Variants in HDAC1 observed in about 807,000 individuals in gnomAD.
HDAC1 encodes protein deacetylase HDAC1.
In HDAC1, 18 loss-of-function variants were observed where a neutral mutation model predicts 65.5. The observed-to-expected ratio is 0.27, with a 90% CI of 0.19 to 0.41. HDAC1 has a LOEUF of 0.41. Among genes scored for constraint, HDAC1 ranks in the 10% least tolerant of loss-of-function variants. The pLI is 1.00. For synonymous variants in HDAC1, 211 were observed against 227.9 expected (o/e 0.93, Z 0.67); for missense variants, 373 against 625.2 (o/e 0.60, Z 4.30).
At position 32,331,389 on chromosome 1, in the gene HDAC1, T is replaced by C; in HGVS notation, c.980-85T>C. 1.3e-6 allele frequency: 1 copy of C among 782,644 alleles called. No individual in the cohort carries two copies. Among genetic ancestry groups the C allele is most frequent in the Non-Finnish European group, 2.3e-6 (1 of 444,228 alleles). 48.5% of individuals were successfully genotyped at this position (782,644 alleles called of 1,614,324 possible). A position where few individuals can be genotyped will look rare whatever the true frequency, so the allele number is the denominator to read the frequency against. Reference sequence around the variant, plus strand: ...TTGGATAAATAGGCCCAGAGAAACCTACAAATGCTTTAGGGTGCTTACGTG... The same window carrying C: ...TTGGATAAATAGGCCCAGAGAAACCCACAAATGCTTTAGGGTGCTTACGTG... On this transcript the variant is annotated intron_variant, in intron 9 of 13. Coordinates refer to ENST00000373548, the MANE Select transcript of HDAC1 (RefSeq NM_004964.3). The surrounding 1 kb of genome is among the most constrained non-coding windows in gnomAD (Gnocchi z 4.2).
At chr1:32,302,536 TG>T in intron 1 of HDAC1, 84 bp from the exon 2 acceptor site, 1 of 694,408 alleles carries the variant, frequency 1.4e-6, no homozygotes, top group Non-Finnish European at 2.7e-6. Flanking sequence ...AGAATTTGAC[TG>T]GGAGTTCGCT....
chr1:32,307,603 C>A (rs773940564), intron 2 of HDAC1, among the ~76,000 whole-genome samples: 2 of 152,280 alleles, frequency 1.3e-5, no homozygotes, highest in Non-Finnish European at 2.9e-5. Flanking sequence ...AATTTCATAA[C>A]AAATGGTTCA....
intron 6 of HDAC1, 148 bp from the exon 7 acceptor site, chr1:32,328,916 TGGTA>T: frequency 1.6e-6 from 1 of 641,304 alleles, no homozygotes. Context: ...GTGAAGAGAA[TGGTA>T]CTAACAAGGT....
Position 32,324,234 on chromosome 1 carries a change from T to C in HDAC1, c.281-245T>C, listed in dbSNP as rs1243547064. Among the ~76,000 whole-genome samples, 3 of 152,074 alleles carry C rather than the reference T, an allele frequency of 2.0e-5. No individual in the cohort carries two copies. The East Asian group carries it at 5.8e-4, about 29-fold the overall frequency. ...GGTCAAAGCTGCTGCACATGAGCCA[T>C]GTTTGTGCCACTGCACTCCAGCATG... On this transcript the variant is annotated intron_variant, in intron 3 of 13. Coordinates refer to ENST00000373548, the MANE Select transcript of HDAC1 (RefSeq NM_004964.3).
At chr1:32,320,899 CAAAAAAAAA>C (rs1160071616) in intron 3 of HDAC1, among the ~76,000 whole-genome samples, 2 of 23,372 alleles carry the variant, frequency 8.6e-5, no homozygotes, top group Non-Finnish European at 1.2e-4. Context: ...GACTCCATCT[CAAAAAAAAA>C]AAAAAAAAAA....
intron 2 of HDAC1, among the ~76,000 whole-genome samples, chr1:32,304,885 A>AT (rs907476780): frequency 6.6e-6 from 1 of 151,972 alleles, no homozygotes; most frequent in Non-Finnish European, 1.5e-5. Flanking sequence ...ATTCAGAAAA[A>AT]TTTTTTTGTA....
intron 2 of HDAC1, among the ~76,000 whole-genome samples, chr1:32,310,006 C>G (rs1557603755): frequency 6.6e-6 from 1 of 152,102 alleles, no homozygotes; most frequent in Admixed American, 6.6e-5. Context: ...TGAATGAGAT[C>G]AATTCAGTCT....
chr1:32,320,693 A>T (rs1228113076), intron 3 of HDAC1, among the ~76,000 whole-genome samples: 1 of 151,900 alleles, frequency 6.6e-6, no homozygotes, highest in Non-Finnish European at 1.5e-5. Context: ...TGAGGCCAGG[A>T]GTTTGAGACC....
chr1:32,311,149 C>T (rs770726969), intron 2 of HDAC1, among the ~76,000 whole-genome samples: 1 of 151,840 alleles, frequency 6.6e-6, no homozygotes, highest in Non-Finnish European at 1.5e-5. Context: ...TTGAATGTAG[C>T]GGATGAAAAA....
At chr1:32,292,393 G>T in intron 1 of HDAC1, 175 bp downstream of exon 1, 1 of 985,288 alleles carries the variant, frequency 1.0e-6, no homozygotes, top group Non-Finnish European at 1.2e-6. Context: ...GAGGAAGGGA[G>T]ATCGAGGCTG....
rs867823169 is a variant in HDAC1, at chr1:32,306,602, T to C, written c.162+3869T>C. Among the ~76,000 whole-genome samples the C allele has an allele frequency of 8.5e-5, 13 of 152,124 alleles. No individual in the cohort carries two copies. In the South Asian group the frequency reaches 1.7e-3, roughly 19 times the overall value. On this transcript the variant is annotated intron_variant, in intron 2 of 13. Transcript: ENST00000373548. ...CTCCTGAGTAGCACTTCTTTTTAAT[T>C]TAATTACGATTTTGATATACATTTC...
intron 3 of HDAC1, among the ~76,000 whole-genome samples, chr1:32,322,561 G>C (rs1057138334): frequency 3.3e-5 from 5 of 152,162 alleles, no homozygotes; most frequent in African/African-American, 1.2e-4. Context: ...GAGCCACCGC[G>C]CCCGGCCAGT....
chr1:32,332,525 G>A (rs1641308173), intron 12 of HDAC1, among the ~76,000 whole-genome samples, 176 bp from the exon 13 acceptor site: 1 of 152,202 alleles, frequency 6.6e-6, no homozygotes, highest in South Asian at 2.1e-4. Context: ...GTAGCAGGCT[G>A]GGAAACCAGT....
intron 2 of HDAC1, among the ~76,000 whole-genome samples, chr1:32,304,154 A>C (rs1270394660): frequency 6.6e-6 from 1 of 152,200 alleles, no homozygotes; most frequent in African/African-American, 2.4e-5. Flanking sequence ...CTGTGGTTAA[A>C]GTCTGTTTCT....
rs1007603459 is a variant in HDAC1 at position 32,292,096 on chromosome 1, G to A, written c.-74G>A. 214 of 1,448,114 alleles carry A rather than the reference G, an allele frequency of 1.5e-4. No homozygotes were observed. The highest frequency in any genetic ancestry group is 1.9e-4 in the Non-Finnish European group (205 of 1,058,482). 89.7% of individuals were successfully genotyped at this position (1,448,114 alleles called of 1,614,324 possible). ...CCGGAGGCCCGCCCCCTCCCCCCTGGGTCGGACGCTGAGCGGAGCCGCGGG... is the reference window on the plus strand; with the variant it reads ...CCGGAGGCCCGCCCCCTCCCCCCTGAGTCGGACGCTGAGCGGAGCCGCGGG... On this transcript the variant is annotated 5_prime_UTR_variant, in exon 1 of 14. Coordinates refer to ENST00000373548, the MANE Select transcript of HDAC1 (RefSeq NM_004964.3).
intron 4 of HDAC1, 45 bp downstream of exon 4, chr1:32,324,598 T>C (rs971936001): frequency 6.2e-6 from 8 of 1,292,394 alleles, no homozygotes; most frequent in Non-Finnish European, 9.0e-6. Context: ...TGGGTTGTTC[T>C]AGTGAGGTCT....
At position 32,327,724 on chromosome 1, in the gene HDAC1, C is replaced by T; in HGVS notation, c.636+47C>T. ...CAACCGGCTTACCCTCAGCTGGCAG[C>T]TCTACTTCTCTCTCCTATCTCATGC... is the stretch of plus-strand genomic sequence containing the variant. On this transcript the variant is annotated intron_variant, in intron 6 of 13. Coordinates refer to ENST00000373548, the MANE Select transcript of HDAC1 (RefSeq NM_004964.3). The surrounding 1 kb of genome is among the most constrained non-coding windows in gnomAD (Gnocchi z 6.0). 6.4e-7 allele frequency: 1 copy of T among 1,572,502 alleles called. No individual in the cohort carries two copies.
At chr1:32,310,855 G>GA (rs374638601) in intron 2 of HDAC1, among the ~76,000 whole-genome samples, 26 of 124,526 alleles carry the variant, frequency 2.1e-4, no homozygotes, top group South Asian at 7.8e-4. Context: ...GTGAAAAAAA[G>GA]AAAAAAAAAA....
At chr1:32,294,233 C>T (rs959125572) in intron 1 of HDAC1, among the ~76,000 whole-genome samples, 5 of 151,830 alleles carry the variant, frequency 3.3e-5, no homozygotes, top group African/African-American at 7.3e-5. Flanking sequence ...ACTGCAACCT[C>T]CACCTCCCAG....
Sources: allele counts gnomAD v4.1 joint callset (sites outside exome capture counted in the v4.1 genomes callset), GRCh38; gene constraint gnomAD v4.1.1; non-coding constraint Gnocchi (gnomAD v3.1); transcripts MANE v1.5; gene names NCBI Gene and HGNC (gene_info 2026-07-23, HGNC 2026-07-21).